The following ANK2 variants were observed in gnomAD, a reference collection of about 807,000 sequenced individuals.
ANK2 encodes the protein ankyrin-2.
A neutral mutation model predicts 360.5 loss-of-function variants in ANK2; 83 were observed. The ratio of observed to expected loss-of-function variants is 0.23; its 90% CI spans 0.19 to 0.28. The LOEUF is 0.28. Among genes scored for constraint, ANK2 ranks in the 10% least tolerant of loss-of-function variants. The pLI is 1.00. For missense variants in ANK2, 4,201 were observed against 4,795.7 expected, an observed-to-expected ratio of 0.88 and a Z score of 3.66; for synonymous variants, 1,740 against 1,759.5, an observed-to-expected ratio of 0.99 and a Z score of 0.28.
At chr4:113,350,007 A>G (rs1413803098) in intron 36 of ANK2, among the ~76,000 whole-genome samples, 1 of 152,110 alleles carries the variant, frequency 6.6e-6, no homozygotes, top group Admixed American at 6.6e-5. Context: ...GCTAGAAAGG[A>G]CTTTCTACCT....
chr4:113,202,431 G>A lies in ANK2; in HGVS notation c.384+3322G>A, dbSNP rs1215880941. ...CCAGAAAAAGGACGTAGGGAATCCTGAATGTACAACAAAATGTCTGAATTT... is the reference window on the plus strand; with the variant it reads ...CCAGAAAAAGGACGTAGGGAATCCTAAATGTACAACAAAATGTCTGAATTT... On this transcript the variant is annotated intron_variant, in intron 4 of 45. Coordinates refer to ENST00000357077, the MANE Select transcript of ANK2 (RefSeq NM_001148.6). Among the ~76,000 whole-genome samples, 3 of 152,286 alleles carry A rather than the reference G, an allele frequency of 2.0e-5. No homozygotes were observed. In the South Asian group the frequency reaches 6.2e-4, roughly 32 times the overall value.
At chr4:112,879,142 A>G (rs929292860) in intron 1 of ANK2, among the ~76,000 whole-genome samples, 2 of 152,204 alleles carry the variant, frequency 1.3e-5, no homozygotes, top group African/African-American at 2.4e-5. Flanking sequence ...ACAAAAAACT[A>G]GGGATGGGTT....
chr4:113,047,618 G>A (rs2064967103), upstream of ANK2, among the ~76,000 whole-genome samples: 1 of 152,114 alleles, frequency 6.6e-6, no homozygotes, highest in Admixed American at 6.6e-5. Context: ...AGTGGGGGCT[G>A]TGACCACAGT....
chr4:113,352,738 T>C (rs1327793649), intron 37 of ANK2, among the ~76,000 whole-genome samples: 1 of 152,158 alleles, frequency 6.6e-6, no homozygotes, highest in Non-Finnish European at 1.5e-5. Flanking sequence ...TGATATGTAG[T>C]GTTTTTTTGT....
At chr4:113,234,963 G>A (rs1234921085) in intron 5 of ANK2, among the ~76,000 whole-genome samples, 4 of 152,054 alleles carry the variant, frequency 2.6e-5, no homozygotes, top group East Asian at 3.9e-4. Context: ...AAATCTACGT[G>A]GTGAAGATCC....
the ANK2 span, among the ~76,000 whole-genome samples, chr4:112,805,145 G>A: frequency 3.3e-5 from 5 of 152,124 alleles, no homozygotes; most frequent in African/African-American, 7.2e-5. Context: ...AAGTAGCCAC[G>A]GAAAGGAGGG....
intron 2 of ANK2, among the ~76,000 whole-genome samples, chr4:113,192,941 AC>A (rs760200698): frequency 4.0e-5 from 6 of 150,966 alleles, no homozygotes; most frequent in East Asian, 1.9e-4. Context: ...AAAAAAAAAA[AC>A]AACCCTTGAT....
rs2057509095 is a variant in ANK2 at position 113,019,514 on chromosome 4, A to C, written c.21+115000A>C. 2.0e-5 allele frequency among the ~76,000 whole-genome samples: 3 copies of C among 152,252 alleles called. No homozygotes were observed. The South Asian group carries it at 6.2e-4, about 32-fold the overall frequency. ...TTTTGACTAATAAGTAAATACAACTATTTTTCTTGGTTTGTATTAGTTTTT... is the reference window on the plus strand; with the variant it reads ...TTTTGACTAATAAGTAAATACAACTCTTTTTCTTGGTTTGTATTAGTTTTT... On this transcript the variant is annotated intron_variant, in intron 2 of 30. Coordinates refer to the ANK2 transcript ENST00000503271.
chr4:113,167,488 G>A (rs2097788002), intron 1 of ANK2, among the ~76,000 whole-genome samples: 1 of 151,750 alleles, frequency 6.6e-6, no homozygotes, highest in African/African-American at 2.4e-5. Context: ...TAGTAGAAAT[G>A]GGGTTTCACC....
intron 2 of ANK2, among the ~76,000 whole-genome samples, chr4:113,044,200 G>A (rs548050998): frequency 6.6e-6 from 1 of 152,238 alleles, no homozygotes; most frequent in South Asian, 2.1e-4. Context: ...AAACTCGCAT[G>A]AGAAAAAGTT....
rs116456201 is a variant in ANK2, at chr4:113,085,286, G to A, written c.84+35474G>A. ...TAGAGTAGAATTCCAAGAGCTGACAGATATTAAGATATTAAGACTTTTTCT... is the reference window on the plus strand; with the variant it reads ...TAGAGTAGAATTCCAAGAGCTGACAAATATTAAGATATTAAGACTTTTTCT... On this transcript the variant is annotated intron_variant, in intron 1 of 45. Coordinates refer to ENST00000357077, the MANE Select transcript of ANK2 (RefSeq NM_001148.6). Among the ~76,000 whole-genome samples the A allele has an allele frequency of 4.1e-3, 617 of 152,154 alleles. 4 individuals carry two copies. Among genetic ancestry groups the A allele is most frequent in the African/African-American group, 0.014 (589 of 41,542 alleles).
the ANK2 span, among the ~76,000 whole-genome samples, chr4:112,790,289 A>G: frequency 6.6e-6 from 1 of 152,214 alleles, no homozygotes; most frequent in Non-Finnish European, 1.5e-5. Context: ...GTTTATTAAA[A>G]TGACCACTAG....
chr4:112,852,683 C>T (rs1438092582), intron 1 of ANK2, among the ~76,000 whole-genome samples: 1 of 152,162 alleles, frequency 6.6e-6, no homozygotes, highest in Non-Finnish European at 1.5e-5. Flanking sequence ...GATGTTTACA[C>T]ATATCCTATT....
At chr4:113,293,721 A>G (rs910197283) in intron 22 of ANK2, among the ~76,000 whole-genome samples, 183 bp downstream of exon 22, 1 of 152,272 alleles carries the variant, frequency 6.6e-6, no homozygotes, top group Non-Finnish European at 1.5e-5. Context: ...CAAGGAATAC[A>G]GGGCTTCGGC....
chr4:112,971,836 T>A lies in ANK2; in HGVS notation c.21+67322T>A, dbSNP rs541575710. Among the ~76,000 whole-genome samples the A allele has an allele frequency of 2.0e-5, 3 of 152,268 alleles. No individual in the cohort carries two copies. In the South Asian group the frequency reaches 6.2e-4, roughly 32 times the overall value. ...AGGGCTATTTCCTCAACGTACCCTA[T>A]GATGAAAGACTCAGACATAACATTA... On this transcript the variant is annotated intron_variant, in intron 2 of 30. Transcript: ENST00000503271.
At chr4:112,718,929 ACCCGGTCGCATGAGCCACCGCT>A in the ANK2 span, among the ~76,000 whole-genome samples, 3 of 69,000 alleles carry the variant, frequency 4.3e-5, no homozygotes, top group Admixed American at 2.3e-4. Context: ...GAGCCACCGC[ACCCGGTCGCATGAGCCACCGCT>A]CCCGGTCAGC....
At chr4:112,896,848 GC>G (rs1326276178) in intron 1 of ANK2, among the ~76,000 whole-genome samples, 2 of 152,148 alleles carry the variant, frequency 1.3e-5, no homozygotes. Flanking sequence ...CTTCCAGTGA[GC>G]CACCACCCTC....
In ANK2 at chr4:113,355,884, C is replaced by A; in HGVS notation, c.7266C>A (p.Ser2422Arg). 6.2e-7 allele frequency: 1 copy of A among 1,614,066 alleles called. No individual in the cohort carries two copies. Among genetic ancestry groups the A allele is most frequent in the South Asian group, 1.1e-5 (1 of 91,084 alleles). Residue 2422 changes from serine to arginine, a missense_variant, in exon 38 of 46, where the codon AGC becomes AGA. Around this residue, in one of 4 missense-constraint regions of ANK2, gnomAD observed 2,642 missense variants for 2,714.5 expected, o/e 0.97. Coordinates refer to ENST00000357077, the MANE Select transcript of ANK2 (RefSeq NM_001148.6). ...CTAGCCGAGATAGCGAAGTCCTCAG[C>A]GCTGTGGCTGATGACTCATTAGCAG... is the stretch of plus-strand genomic sequence containing the variant. ...ALPSRDSEVL[S>R]AVADDSLAVS...
chr4:112,876,878 T>A (rs1481909436), intron 1 of ANK2, among the ~76,000 whole-genome samples: 1 of 152,186 alleles, frequency 6.6e-6, no homozygotes, highest in African/African-American at 2.4e-5. Context: ...CCTGTCTCCA[T>A]TAGTAGAGAT....
Sources: gnomAD v4.1 joint callset for allele counts (sites outside exome capture counted in the v4.1 genomes callset) on GRCh38, gnomAD v4.1.1 for gene constraint, gnomAD v4.1.1 regional missense constraint, MANE v1.5 for transcripts, NCBI Gene and HGNC (gene_info 2026-07-23, HGNC 2026-07-21) for gene names.